Variants in SULT1B1 observed in about 807,000 individuals in gnomAD.
SULT1B1 encodes sulfotransferase 1B1.
A neutral mutation model predicts 34.6 loss-of-function variants in SULT1B1; 28 were observed. The ratio of observed to expected loss-of-function variants is 0.81; its 90% CI spans 0.60 to 1.11. SULT1B1 has a LOEUF of 1.11. SULT1B1 is among the 50% of genes least tolerant of loss of function. SULT1B1 has a pLI of 0.00. For synonymous variants in SULT1B1, 147 were observed against 110.2 expected (o/e 1.33, Z -2.09); for missense variants, 374 against 352.2 (o/e 1.06, Z -0.50).
At chr4:69,753,311 C>A (rs1578067700) in intron 3 of SULT1B1, among the ~76,000 whole-genome samples, 1 of 151,998 alleles carries the variant, frequency 6.6e-6, no homozygotes, top group South Asian at 2.1e-4. Flanking sequence ...TTTTACAGTC[C>A]ATCAACAAGT....
chr4:69,726,033 C>CATATATATATATATATATAT lies in SULT1B1; in HGVS notation c.*1035_*1054dup, dbSNP rs756017821. The CATATATATATATATATATAT allele has an allele frequency of 3.4e-5, 1 of 29,160 alleles. No individual in the cohort carries two copies. Among genetic ancestry groups the CATATATATATATATATATAT allele is most frequent in the Non-Finnish European group, 8.3e-5 (1 of 12,042 alleles). 1.8% of individuals were successfully genotyped at this position (29,160 alleles called of 1,614,324 possible). The stretch of plus-strand genomic sequence containing the variant: ...ACTTAAAGTATAATAATAAAATGTA[C>CATATATATATATATATATAT]ATATATATATATATATATATATATA... On this transcript the variant is annotated 3_prime_UTR_variant, in exon 8 of 8. Coordinates refer to ENST00000310613, the MANE Select transcript of SULT1B1 (RefSeq NM_014465.4).
At chr4:69,748,233 T>A (rs1448319915) in intron 4 of SULT1B1, among the ~76,000 whole-genome samples, 1 of 152,072 alleles carries the variant, frequency 6.6e-6, no homozygotes, top group Non-Finnish European at 1.5e-5. Context: ...TAGGAGTGGC[T>A]ATATCAATAC....
intron 4 of SULT1B1, among the ~76,000 whole-genome samples, chr4:69,745,835 G>A (rs183103077): frequency 6.6e-6 from 1 of 152,226 alleles, no homozygotes; most frequent in Non-Finnish European, 1.5e-5. Flanking sequence ...ATGTTTTTGT[G>A]GTAGTTGGTA....
At chr4:69,745,628 G>A (rs2110026273) in intron 4 of SULT1B1, among the ~76,000 whole-genome samples, 2 of 152,292 alleles carry the variant, frequency 1.3e-5, no homozygotes, top group East Asian at 3.9e-4. Context: ...CTTGAAGTTT[G>A]AAGGCAGCAG....
At chr4:69,740,166 G>A (rs1246620159) in intron 4 of SULT1B1, among the ~76,000 whole-genome samples, 1 of 152,130 alleles carries the variant, frequency 6.6e-6, no homozygotes, top group Admixed American at 6.6e-5. Flanking sequence ...AGATTTTCTG[G>A]TATGTTTAAT....
chr4:69,752,908 CTT>C (rs1374619354), intron 3 of SULT1B1, among the ~76,000 whole-genome samples: 1 of 152,202 alleles, frequency 6.6e-6, no homozygotes, highest in African/African-American at 2.4e-5. Context: ...ACACCATACT[CTT>C]GCATTCCCTG....
In SULT1B1 at chr4:69,725,243, T is replaced by A. The variant is rs1178363814; in HGVS notation, c.*1845A>T. 1 of 151,900 alleles carries A rather than the reference T, an allele frequency of 6.6e-6. No homozygotes were observed. Among genetic ancestry groups the A allele is most frequent in the East Asian group, 1.9e-4 (1 of 5,188 alleles). The allele number at this position is 151,900 out of a possible 1,614,324, so 9.4% of individuals were successfully genotyped here. A position where few individuals can be genotyped will look rare whatever the true frequency, so the allele number is the denominator to read the frequency against. On this transcript the variant is annotated 3_prime_UTR_variant, in exon 8 of 8. Transcript: ENST00000310613. ...ACAGATACTTCTCAAAAGAAGACAT[T>A]TATGCAGCCAACAGACACATGAAAA...
intron 4 of SULT1B1, among the ~76,000 whole-genome samples, chr4:69,745,277 T>C (rs1718707970): frequency 6.6e-6 from 1 of 152,148 alleles, no homozygotes; most frequent in Non-Finnish European, 1.5e-5. Context: ...TGTCTTGCCT[T>C]GATGATCTGA....
At chr4:69,756,646 C>T (rs1719202455) in intron 1 of SULT1B1, among the ~76,000 whole-genome samples, 2 of 152,164 alleles carry the variant, frequency 1.3e-5, no homozygotes, top group East Asian at 1.9e-4. Flanking sequence ...TGAAGCATTG[C>T]TCTTCCTGGA....
intron 1 of SULT1B1, among the ~76,000 whole-genome samples, chr4:69,756,115 T>C (rs1197167514): frequency 6.6e-6 from 1 of 152,220 alleles, no homozygotes; most frequent in Non-Finnish European, 1.5e-5. Context: ...TTTTAATCTC[T>C]GGCTGTTCAA....
chr4:69,755,178 A>T lies in SULT1B1; in HGVS notation c.40T>A (p.Leu14Met). The change falls in exon 2 of 8, where the codon TTG (leucine) becomes ATG (methionine). Residue 14 changes from leucine to methionine, a missense_variant. Transcript: ENST00000310613. ...CAGGTCATGGGATAACCATGGACCA[A>T]CTTCAGATCTTTTCGCAGAATATCT... ...PKDILRKDLK[L>M]VHGYPMTCAF... The T allele has an allele frequency of 6.2e-7, 1 of 1,613,852 alleles. No individual in the cohort carries two copies. Among genetic ancestry groups the T allele is most frequent in the Non-Finnish European group, 8.5e-7 (1 of 1,179,718 alleles).
chr4:69,742,137 T>G (rs1403317317), intron 4 of SULT1B1, among the ~76,000 whole-genome samples: 1 of 152,216 alleles, frequency 6.6e-6, no homozygotes, highest in African/African-American at 2.4e-5. Context: ...GATTTTGTGG[T>G]TTTTGTTTTT....
intron 4 of SULT1B1, among the ~76,000 whole-genome samples, chr4:69,738,155 C>A (rs1344025679): frequency 6.6e-6 from 1 of 152,160 alleles, no homozygotes; most frequent in African/African-American, 2.4e-5. Context: ...AGAATAATGG[C>A]CTCCAGCTGC....
intron 6 of SULT1B1, among the ~76,000 whole-genome samples, chr4:69,731,602 A>G (rs932316335): frequency 1.3e-5 from 2 of 152,104 alleles, no homozygotes; most frequent in Admixed American, 6.6e-5. Context: ...CTTTTTTTCA[A>G]ATTTTATTAT....
intron 1 of SULT1B1, among the ~76,000 whole-genome samples, chr4:69,758,670 G>A (rs574705463): frequency 6.6e-6 from 1 of 152,254 alleles, no homozygotes; most frequent in South Asian, 2.1e-4. Flanking sequence ...TATTGAGGGA[G>A]CTGATACCCT....
chr4:69,745,844 T>C (rs1718727798), intron 4 of SULT1B1, among the ~76,000 whole-genome samples: 1 of 152,236 alleles, frequency 6.6e-6, no homozygotes, highest in Admixed American at 6.5e-5. Context: ...TGGTAGTTGG[T>C]ATGTCTTTTG....
intron 4 of SULT1B1, among the ~76,000 whole-genome samples, chr4:69,743,471 T>C (rs7689180): frequency 0.11 from 17,364 of 152,094 alleles, 1,105 homozygotes; most frequent in Middle Eastern, 0.19. Context: ...AAGTTCCCAT[T>C]CTGGTCCACA....
intron 4 of SULT1B1, among the ~76,000 whole-genome samples, chr4:69,747,148 CATTGGAGATG>C (rs769622680): frequency 6.2e-4 from 94 of 152,240 alleles, no homozygotes; most frequent in Non-Finnish European, 9.4e-4. Flanking sequence ...TTCAGCGGAG[CATTGGAGATG>C]ACATGGGAGA....
intron 4 of SULT1B1, 139 bp downstream of exon 4, chr4:69,749,582 C>T (rs561154996): frequency 5.1e-5 from 26 of 507,564 alleles, no homozygotes; most frequent in Non-Finnish European, 8.7e-5. Flanking sequence ...TGAAGATTTA[C>T]GTACAACGTG....
Sources: allele counts gnomAD v4.1 joint callset (sites outside exome capture counted in the v4.1 genomes callset), GRCh38; gene constraint gnomAD v4.1.1; transcripts MANE v1.5; gene names NCBI Gene and HGNC (gene_info 2026-07-23, HGNC 2026-07-21).